The following CCDC18 variants were observed in gnomAD, a reference collection of about 807,000 sequenced individuals.
CCDC18 encodes the protein coiled-coil domain containing 18.
A neutral mutation model predicts 196.0 loss-of-function variants in CCDC18; 157 were observed. The ratio of observed to expected loss-of-function variants is 0.80; its 90% confidence interval spans 0.70 to 0.91. The LOEUF (loss-of-function observed/expected upper bound fraction) is 0.91, where lower values mean the gene tolerates loss of function less well. CCDC18 is among the 40% of genes least tolerant of loss of function. The pLI is 0.00. For missense variants in CCDC18, 1,465 were observed against 1,611.6 expected, an observed-to-expected ratio of 0.91 and a Z score of 1.56; for synonymous variants, 482 against 529.2, an observed-to-expected ratio of 0.91 and a Z score of 1.22.
intron 27 of CCDC18, among the ~76,000 whole-genome samples, chr1:93,267,395 CCT>C (rs1178045995): frequency 1.3e-5 from 2 of 152,124 alleles, no homozygotes; most frequent in Non-Finnish European, 2.9e-5. Flanking sequence ...ACAGGGGTGC[CCT>C]CTCTCACCAC....
At chr1:93,185,639 G>A (rs933177502) in intron 3 of CCDC18, among the ~76,000 whole-genome samples, 1 of 151,856 alleles carries the variant, frequency 6.6e-6, no homozygotes, top group Non-Finnish European at 1.5e-5. Context: ...AAGGAGAGGA[G>A]GGAAGTGGGT....
intron 12 of CCDC18, among the ~76,000 whole-genome samples, chr1:93,216,321 TAGA>T (rs1205284677): frequency 6.6e-6 from 1 of 152,196 alleles, no homozygotes. Flanking sequence ...TACGTAAAAA[TAGA>T]TTAGGGTATT....
intron 20 of CCDC18, 74 bp downstream of exon 20, chr1:93,239,547 A>G: frequency 1.3e-6 from 2 of 1,501,486 alleles, no homozygotes; most frequent in Non-Finnish European, 9.0e-7. Flanking sequence ...TGAGAATTTG[A>G]GATGGTGGGG....
chr1:93,221,934 A>C lies in CCDC18; in HGVS notation c.2173A>C (p.Lys725Gln). 1 of 1,566,696 alleles carries C rather than the reference A, an allele frequency of 6.4e-7. No individual in the cohort carries two copies. Among genetic ancestry groups the C allele is most frequent in the South Asian group, 1.2e-5 (1 of 86,160 alleles). ...GAACCAAGTATCTGAAGAAACAATC[A>C]AGGCTAGTATGCTAATACTTTATTT... ...LQNQVSEETI[K>Q]VRQLDSALEI... is the part of the protein sequence containing the mutation. Residue 725 changes from lysine (K) to glutamine (Q), a missense_variant and splice_region_variant, in exon 16 of 29, where the codon AAG becomes CAG. Physicochemically the swap from Lys to Gln is moderately conservative, Grantham distance 53 (BLOSUM62 1). Coordinates refer to ENST00000690025, the MANE Select transcript of CCDC18 (RefSeq NM_001378204.1).
intron 4 of CCDC18, among the ~76,000 whole-genome samples, chr1:93,187,430 C>T (rs1650904666): frequency 6.6e-6 from 1 of 151,704 alleles, no homozygotes; most frequent in Non-Finnish European, 1.5e-5. Context: ...AAGAAGTGTG[C>T]ATGTGTCTGT....
At chr1:93,244,439 T>C (rs1661228194) in intron 21 of CCDC18, among the ~76,000 whole-genome samples, 1 of 152,214 alleles carries the variant, frequency 6.6e-6, no homozygotes, top group South Asian at 2.1e-4. Context: ...GCATGAACTT[T>C]GAAAACATTA....
At chr1:93,189,481 A>G (rs886421591) in intron 4 of CCDC18, among the ~76,000 whole-genome samples, 6 of 152,178 alleles carry the variant, frequency 3.9e-5, no homozygotes, top group Admixed American at 3.9e-4. Flanking sequence ...TTTTGGGTAT[A>G]TGCCCAGCAG....
chr1:93,203,841 GA>G (rs896374386), intron 7 of CCDC18, among the ~76,000 whole-genome samples: 10 of 149,110 alleles, frequency 6.7e-5, no homozygotes, highest in African/African-American at 2.5e-4. Flanking sequence ...TAAAAAATCA[GA>G]AAAAAAAAAT....
Position 93,194,086 on chromosome 1 carries a change from A to G in CCDC18, c.698+342A>G, listed in dbSNP as rs936258796. Among the ~76,000 whole-genome samples the G allele has an allele frequency of 2.3e-4, 35 of 152,286 alleles. 1 individual carries two copies. The highest frequency in any genetic ancestry group is 7.9e-4 in the African/African-American group (33 of 41,584). ...GGGAAAAAGCCTGTAAATTAATATT[A>G]CCTCTAATAAAACTAAATAAAATGT... On this transcript the variant is annotated intron_variant, in intron 6 of 28. Coordinates refer to ENST00000690025, the MANE Select transcript of CCDC18 (RefSeq NM_001378204.1).
At chr1:93,255,988 G>A (rs1233134101) in intron 24 of CCDC18, among the ~76,000 whole-genome samples, 1 of 152,062 alleles carries the variant, frequency 6.6e-6, no homozygotes, top group Non-Finnish European at 1.5e-5. Flanking sequence ...CTCTGTCTTT[G>A]ACATAGATAA....
intron 21 of CCDC18, among the ~76,000 whole-genome samples, chr1:93,242,110 AAAGT>A (rs1299676861): frequency 1.3e-5 from 2 of 152,230 alleles, no homozygotes; most frequent in African/African-American, 4.8e-5. Flanking sequence ...AAATGTTTAC[AAAGT>A]AAGCCAAAAA....
intron 8 of CCDC18, 91 bp downstream of exon 8, chr1:93,205,722 T>C (rs1654608105): frequency 1.2e-5 from 14 of 1,175,956 alleles, no homozygotes; most frequent in Non-Finnish European, 1.7e-5. Flanking sequence ...GTTGTAATTA[T>C]AGGCTTACAT....
chr1:93,210,999 G>A (rs938687654), intron 10 of CCDC18, 73 bp downstream of exon 10: 8 of 1,482,096 alleles, frequency 5.4e-6, no homozygotes, highest in African/African-American at 4.2e-5. Flanking sequence ...TTAATTGGCC[G>A]GGCATGGTGG....
upstream of CCDC18, chr1:93,180,710 A>G (rs752037190): frequency 3.1e-5 from 42 of 1,358,690 alleles, no homozygotes; most frequent in African/African-American, 3.0e-4. Context: ...GCGCGTCCCA[A>G]CGGCTCCCGC....
intron 14 of CCDC18, among the ~76,000 whole-genome samples, chr1:93,218,472 A>G (rs1287804165): frequency 6.6e-6 from 1 of 152,172 alleles, no homozygotes; most frequent in African/African-American, 2.4e-5. Flanking sequence ...ACTTGTTCTC[A>G]TAAAAGTGTG....
At chr1:93,200,827 A>G (rs1353252432) in intron 6 of CCDC18, among the ~76,000 whole-genome samples, 3 of 152,244 alleles carry the variant, frequency 2.0e-5, no homozygotes, top group Non-Finnish European at 2.9e-5. Flanking sequence ...TGTAAAGCGG[A>G]TAAGTCTGGC....
At position 93,193,596 on chromosome 1, in the gene CCDC18, A is replaced by G; in HGVS notation, c.570-20A>G. Reference sequence around the variant, plus strand: ...ATAATCTCTTTAGTAGTCTTAAACAAAGTATCCTTTATTTTATAGAGAGGC... The same window carrying G: ...ATAATCTCTTTAGTAGTCTTAAACAGAGTATCCTTTATTTTATAGAGAGGC... On this transcript the variant is annotated intron_variant, in intron 5 of 28. Coordinates refer to ENST00000690025, the MANE Select transcript of CCDC18 (RefSeq NM_001378204.1). The G allele has an allele frequency of 6.5e-7, 1 of 1,535,702 alleles. No homozygotes were observed. Among genetic ancestry groups the G allele is most frequent in the Middle Eastern group, 1.8e-4 (1 of 5,448 alleles).
At chr1:93,256,566 T>C (rs775794981) in intron 25 of CCDC18, 28 bp downstream of exon 25, 4 of 1,554,784 alleles carry the variant, frequency 2.6e-6, no homozygotes, top group South Asian at 1.1e-5. Flanking sequence ...TAATCTTATG[T>C]ATCTGAAATC....
At chr1:93,228,180 C>T (rs572489449) in intron 17 of CCDC18, among the ~76,000 whole-genome samples, 4 of 151,900 alleles carry the variant, frequency 2.6e-5, no homozygotes, top group Admixed American at 6.6e-5. Context: ...CAGGGACCCG[C>T]TACCATTGTT....
Sources: gnomAD v4.1 joint callset for allele counts (sites outside exome capture counted in the v4.1 genomes callset) on GRCh38, gnomAD v4.1.1 for gene constraint, MANE v1.5 for transcripts, NCBI Gene and HGNC (gene_info 2026-07-23, HGNC 2026-07-21) for gene names.